Variants in SEZ6L observed in about 807,000 individuals in gnomAD.
SEZ6L encodes seizure 6-like protein.
In SEZ6L, 37 loss-of-function variants were observed where a neutral mutation model predicts 106.2. The observed-to-expected ratio is 0.35, with a 90% CI of 0.27 to 0.46. The LOEUF (loss-of-function observed/expected upper bound fraction) is 0.46, where lower values mean the gene tolerates loss of function less well. Among genes scored for constraint, SEZ6L ranks in the 20% least tolerant of loss-of-function variants. SEZ6L has a pLI of 1.00. For missense variants in SEZ6L, 1,172 were observed against 1,332.8 expected, an observed-to-expected ratio of 0.88 and a Z score of 1.88; for synonymous variants, 541 against 570.4, an observed-to-expected ratio of 0.95 and a Z score of 0.73.
intron 1 of SEZ6L, among the ~76,000 whole-genome samples, chr22:26,176,818 C>G (rs527284989): frequency 6.6e-6 from 1 of 152,168 alleles, no homozygotes; most frequent in Non-Finnish European, 1.5e-5. Flanking sequence ...GAACCCAGTC[C>G]TAATTCTCCT....
intron 1 of SEZ6L, among the ~76,000 whole-genome samples, chr22:26,196,193 C>A (rs539053196): frequency 6.6e-6 from 1 of 152,220 alleles, no homozygotes; most frequent in South Asian, 2.1e-4. Context: ...GCATGTGGCA[C>A]CTCCCCTTTC....
chr22:26,289,442 G>C (rs142113538), intron 1 of SEZ6L, among the ~76,000 whole-genome samples: 1 of 152,196 alleles, frequency 6.6e-6, no homozygotes, highest in Non-Finnish European at 1.5e-5. Context: ...CCTCAGCAAG[G>C]TTCAAGGACT....
chr22:26,283,168 C>A (rs754014939), intron 1 of SEZ6L, among the ~76,000 whole-genome samples: 1 of 152,132 alleles, frequency 6.6e-6, no homozygotes, highest in African/African-American at 2.4e-5. Context: ...GATCTACCCA[C>A]CTCAGCCTCC....
At chr22:26,325,927 C>CCA (rs59284489) in intron 9 of SEZ6L, among the ~76,000 whole-genome samples, 4,850 of 149,358 alleles carry the variant, frequency 0.032, 147 homozygotes, top group African/African-American at 0.082. Context: ...ATCACACACA[C>CCA]CACACACACA....
intron 1 of SEZ6L, among the ~76,000 whole-genome samples, chr22:26,289,143 A>G (rs1569445529): frequency 6.6e-6 from 1 of 152,224 alleles, no homozygotes; most frequent in African/African-American, 2.4e-5. Flanking sequence ...ATGCTAGTGA[A>G]TAGTGGCCAA....
chr22:26,291,836 A>T (rs145788412), intron 1 of SEZ6L, among the ~76,000 whole-genome samples: 194 of 152,300 alleles, frequency 1.3e-3, no homozygotes, highest in Non-Finnish European at 2.4e-3. Flanking sequence ...AGCATTCATC[A>T]TATCAAATAT....
chr22:26,273,967 A>G (rs1172147527), intron 1 of SEZ6L, among the ~76,000 whole-genome samples: 2 of 152,174 alleles, frequency 1.3e-5, no homozygotes, highest in Non-Finnish European at 1.5e-5. Context: ...CGATAAGCAG[A>G]CACTATTTCT....
chr22:26,241,576 G>A (rs371059179), intron 1 of SEZ6L, among the ~76,000 whole-genome samples: 6 of 152,258 alleles, frequency 3.9e-5, no homozygotes, highest in African/African-American at 1.4e-4. Context: ...ATTACACGGC[G>A]AGTTTTGCTC....
intron 12 of SEZ6L, among the ~76,000 whole-genome samples, chr22:26,355,972 G>A (rs1487664757): frequency 6.6e-6 from 1 of 152,212 alleles, no homozygotes; most frequent in African/African-American, 2.4e-5. Flanking sequence ...GTGACCTTGG[G>A]CAAGTAACTT....
intron 9 of SEZ6L, among the ~76,000 whole-genome samples, chr22:26,335,363 A>C (rs955341873): frequency 6.6e-6 from 1 of 152,120 alleles, no homozygotes; most frequent in African/African-American, 2.4e-5. Flanking sequence ...CCAGTCTGAA[A>C]ATCTTATAAC....
At chr22:26,294,198 A>T (rs1024248564) in intron 2 of SEZ6L, 94 bp from the exon 3 acceptor site, 36 of 1,205,058 alleles carry the variant, frequency 3.0e-5, no homozygotes, top group Non-Finnish European at 3.9e-5. Flanking sequence ...AGCAAAATGC[A>T]GGTTCCCCTA....
intron 12 of SEZ6L, among the ~76,000 whole-genome samples, chr22:26,354,160 C>T (rs1355263242): frequency 6.6e-6 from 1 of 152,172 alleles, no homozygotes; most frequent in Admixed American, 6.5e-5. Flanking sequence ...AGTTCTAACC[C>T]ACAGTATCTG....
chr22:26,340,061 C>T (rs2082777675), intron 9 of SEZ6L, among the ~76,000 whole-genome samples: 1 of 152,060 alleles, frequency 6.6e-6, no homozygotes, highest in Non-Finnish European at 1.5e-5. Flanking sequence ...ACGGTGAAAC[C>T]CCATCTCTAC....
Position 26,370,178 on chromosome 22 carries a change from C to T in SEZ6L, c.2795-3273C>T, listed in dbSNP as rs569993626. Among the ~76,000 whole-genome samples, 608 of 152,078 alleles carry T rather than the reference C, an allele frequency of 4.0e-3. 5 individuals carry two copies. Among genetic ancestry groups the T allele is most frequent in the African/African-American group, 0.014 (569 of 41,494 alleles). ...CAGGTGGATCACGAGGTCAGGAGTT[C>T]GAGACCATCCTGGCTAACACGGTGA... On this transcript the variant is annotated intron_variant, in intron 13 of 16. Coordinates refer to ENST00000248933, the MANE Select transcript of SEZ6L (RefSeq NM_021115.5).
chr22:26,259,024 C>T (rs6004979), intron 1 of SEZ6L, among the ~76,000 whole-genome samples: 5,751 of 152,210 alleles, frequency 0.038, 361 homozygotes, highest in African/African-American at 0.13. Flanking sequence ...GGCCAGTGGG[C>T]ATGGCCCAAT....
intron 1 of SEZ6L, among the ~76,000 whole-genome samples, chr22:26,253,739 G>A (rs1184754026): frequency 3.3e-5 from 5 of 152,110 alleles, no homozygotes; most frequent in African/African-American, 9.7e-5. Context: ...TGGTGCTTAG[G>A]TTCCTGTGTA....
chr22:26,324,064 C>CCACACACACACACACACACACACA (rs71311560), intron 9 of SEZ6L, among the ~76,000 whole-genome samples: 2 of 140,270 alleles, frequency 1.4e-5, no homozygotes, highest in African/African-American at 5.4e-5. Context: ...CAGTTTTTAA[C>CCACACACACACACACACACACACA]CACACACACA....
chr22:26,373,607 C>A, intron 14 of SEZ6L, 124 bp downstream of exon 14: 7 of 748,686 alleles, frequency 9.3e-6, no homozygotes, highest in South Asian at 2.0e-5. Context: ...CTTCAGACTG[C>A]CAAAGATAAT....
chr22:26,260,215 G>A (rs1402568690), intron 1 of SEZ6L, among the ~76,000 whole-genome samples: 1 of 152,064 alleles, frequency 6.6e-6, no homozygotes, highest in Non-Finnish European at 1.5e-5. Context: ...GTGGCGATTT[G>A]TGAGATTTTG....
Sources: allele counts gnomAD v4.1 joint callset (sites outside exome capture counted in the v4.1 genomes callset), GRCh38; gene constraint gnomAD v4.1.1; transcripts MANE v1.5; gene names NCBI Gene and HGNC (gene_info 2026-07-23, HGNC 2026-07-21).